The following CPNE8 variants were observed in gnomAD, a reference collection of about 807,000 sequenced individuals.
CPNE8 encodes copine 8.
Under a neutral mutation model 81.5 loss-of-function variants are expected in CPNE8, and 45 were observed. The observed-to-expected ratio is 0.55, with a 90% CI of 0.44 to 0.71. CPNE8 has a LOEUF of 0.71. Ranked by LOEUF, CPNE8 falls within the 30% of genes least tolerant of loss-of-function variation. The pLI, the probability that CPNE8 is intolerant of heterozygous loss-of-function variation, is 0.00. For missense variants in CPNE8, 594 were observed against 672.1 expected (o/e 0.88, Z 1.28); for synonymous variants, 252 against 226.3 (o/e 1.11, Z -1.02).
At chr12:38,779,719 A>C (rs567079713) in intron 6 of CPNE8, among the ~76,000 whole-genome samples, 2 of 152,274 alleles carry the variant, frequency 1.3e-5, no homozygotes, top group South Asian at 4.1e-4. Context: ...AGTAAATGTG[A>C]AGCTCGTTTT....
At chr12:38,672,441 G>C (rs1019196233) in intron 18 of CPNE8, among the ~76,000 whole-genome samples, 1 of 152,144 alleles carries the variant, frequency 6.6e-6, no homozygotes, top group African/African-American at 2.4e-5. Context: ...GAGGGGTCAG[G>C]TCTACTCTTC....
intron 3 of CPNE8, among the ~76,000 whole-genome samples, chr12:38,855,137 T>C (rs768406517): frequency 5.9e-5 from 9 of 151,684 alleles, no homozygotes; most frequent in Non-Finnish European, 1.3e-4. Context: ...GAAAATCCCA[T>C]TCACAATAAC....
intron 7 of CPNE8, among the ~76,000 whole-genome samples, chr12:38,775,261 C>T (rs966849785): frequency 6.6e-6 from 1 of 152,180 alleles, no homozygotes. Flanking sequence ...GCTGAGATTA[C>T]AGGCATGAGC....
intron 4 of CPNE8, among the ~76,000 whole-genome samples, chr12:38,844,564 C>T (rs1230071761): frequency 1.3e-5 from 2 of 151,972 alleles, no homozygotes; most frequent in African/African-American, 2.4e-5. Flanking sequence ...GGACTTATAG[C>T]CGATAAGGTA....
At chr12:38,819,416 A>G (rs1395825721) in intron 6 of CPNE8, among the ~76,000 whole-genome samples, 1 of 152,162 alleles carries the variant, frequency 6.6e-6, no homozygotes, top group African/African-American at 2.4e-5. Flanking sequence ...TAAAATAACA[A>G]TTCACAGCTC....
chr12:38,662,466 C>T (rs1938980671), intron 19 of CPNE8, among the ~76,000 whole-genome samples: 3 of 151,996 alleles, frequency 2.0e-5, no homozygotes, highest in Admixed American at 1.3e-4. Flanking sequence ...ACAATAAAAA[C>T]TATAAACCAC....
At chr12:38,887,815 A>G (rs1944257756) in intron 1 of CPNE8, among the ~76,000 whole-genome samples, 1 of 152,192 alleles carries the variant, frequency 6.6e-6, no homozygotes. Flanking sequence ...TAAGCCTGTA[A>G]TACATTACAC....
At chr12:38,662,152 C>T (rs1034874203) in intron 19 of CPNE8, among the ~76,000 whole-genome samples, 3 of 152,034 alleles carry the variant, frequency 2.0e-5, no homozygotes, top group African/African-American at 7.2e-5. Context: ...GAAGTCCTAG[C>T]CAGAGAAATT....
intron 6 of CPNE8, among the ~76,000 whole-genome samples, chr12:38,790,201 C>T (rs573470528): frequency 2.0e-5 from 3 of 151,568 alleles, no homozygotes; most frequent in African/African-American, 7.2e-5. Flanking sequence ...GATTGGAAAA[C>T]CACGTAGAAT....
At chr12:38,768,770 G>A (rs1247414729) in intron 7 of CPNE8, among the ~76,000 whole-genome samples, 5 of 151,912 alleles carry the variant, frequency 3.3e-5, no homozygotes, top group Admixed American at 1.3e-4. Flanking sequence ...CTCGTGATCC[G>A]CCTGCCTCAG....
Position 38,839,923 on chromosome 12 carries a change from G to T in CPNE8, c.323C>A (p.Ser108Tyr). Reference sequence around the variant, plus strand: ...ATAAAAATATGAACTTACATGTTTGGATAAGTTGGGGCTCTTTGAATCAAC... The same window carrying T: ...ATAAAAATATGAACTTACATGTTTGTATAAGTTGGGGCTCTTTGAATCAAC... Reference protein sequence around the residue: ...YDVDSKSPNLSKHDFLGQVFC... With the variant: ...YDVDSKSPNLYKHDFLGQVFC... The change falls in exon 5 of 20, where the codon TCC (serine) becomes TAC (tyrosine). Residue 108 changes from serine (S) to tyrosine (Y), a missense_variant. Physicochemically the swap from Ser to Tyr is moderately radical, Grantham distance 144 (BLOSUM62 -2). Transcript: ENST00000331366. 1 of 1,577,376 alleles carries T rather than the reference G, an allele frequency of 6.3e-7. No homozygotes were observed. Among genetic ancestry groups the T allele is most frequent in the Non-Finnish European group, 8.7e-7 (1 of 1,155,084 alleles).
chr12:38,806,216 C>T (rs1391077472), intron 6 of CPNE8, among the ~76,000 whole-genome samples: 1 of 150,174 alleles, frequency 6.7e-6, no homozygotes. Flanking sequence ...CTATTCCAAT[C>T]AATAGAAAAA....
At chr12:38,836,793 A>C (rs1029085741) in intron 5 of CPNE8, among the ~76,000 whole-genome samples, 11 of 152,092 alleles carry the variant, frequency 7.2e-5, no homozygotes, top group Non-Finnish European at 1.3e-4. Context: ...AATCCTCATG[A>C]ATTTCTTTTG....
chr12:38,733,568 T>C (rs577012796), intron 10 of CPNE8, among the ~76,000 whole-genome samples: 3 of 151,616 alleles, frequency 2.0e-5, no homozygotes, highest in East Asian at 4.0e-4. Context: ...ATAACTAAAA[T>C]AATTATTCTA....
At chr12:38,661,352 A>C (rs1376470157) in intron 19 of CPNE8, among the ~76,000 whole-genome samples, 1 of 152,132 alleles carries the variant, frequency 6.6e-6, no homozygotes, top group Non-Finnish European at 1.5e-5. Flanking sequence ...GCAAACTATC[A>C]CAAGGACAGA....
At chr12:38,785,204 A>AG (rs1942152552) in intron 6 of CPNE8, among the ~76,000 whole-genome samples, 1 of 151,954 alleles carries the variant, frequency 6.6e-6, no homozygotes, top group African/African-American at 2.4e-5. Context: ...AAAAAAAAAA[A>AG]AGGACCCATT....
intron 1 of CPNE8, among the ~76,000 whole-genome samples, chr12:38,902,407 G>GA (rs770095367): frequency 1.4e-4 from 19 of 139,492 alleles, no homozygotes; most frequent in South Asian, 6.6e-4. Flanking sequence ...AAGAAAGAAA[G>GA]AAAGAAAGAA....
At chr12:38,848,242 T>C (rs1008201143) in intron 4 of CPNE8, among the ~76,000 whole-genome samples, 1 of 152,152 alleles carries the variant, frequency 6.6e-6, no homozygotes, top group Admixed American at 6.6e-5. Context: ...CTGAGAGACA[T>C]CAGCCATGGG....
intron 5 of CPNE8, among the ~76,000 whole-genome samples, chr12:38,831,636 A>G (rs1040213823): frequency 4.6e-5 from 7 of 152,240 alleles, no homozygotes; most frequent in African/African-American, 1.7e-4. Context: ...ATTTAAGATA[A>G]AGCTTTCCCA....
Sources: gnomAD v4.1 joint callset for allele counts (sites outside exome capture counted in the v4.1 genomes callset) on GRCh38, gnomAD v4.1.1 for gene constraint, MANE v1.5 for transcripts, NCBI Gene and HGNC (gene_info 2026-07-23, HGNC 2026-07-21) for gene names.